CEP250: variants seen among roughly 807,000 people sequenced by gnomAD.
CEP250 encodes the protein centrosomal protein 250, also known as centrosome-associated protein CEP250.
Under a neutral mutation model 315.7 loss-of-function variants are expected in CEP250, and 242 were observed. The observed-to-expected ratio is 0.77, with a 90% CI of 0.69 to 0.85. CEP250 has a LOEUF of 0.85. Ranked by LOEUF, CEP250 falls within the 40% of genes least tolerant of loss-of-function variation. CEP250 has a pLI of 0.00. For synonymous variants in CEP250, 1,088 were observed against 1,175.0 expected (o/e 0.93, Z 1.51); for missense variants, 2,515 against 2,886.4 (o/e 0.87, Z 2.95).
rs1392709984 is a variant in CEP250 at position 35,511,602 on chromosome 20, C to CACTA, written c.7306_7309dup (p.Thr2437AsnfsTer71). ...CAGTCCTGCTACACCCCAGCCCCAG[C>CACTA]ACTACCCAAGCCGCCTCCAGGTAGC... is the stretch of plus-strand genomic sequence containing the variant. On this transcript the variant is annotated frameshift_variant, in exon 35 of 35. Transcript: ENST00000397527. LOFTEE classifies it high-confidence loss of function. 6.2e-7 allele frequency: 1 copy of CACTA among 1,612,356 alleles called. No homozygotes were observed. The highest frequency in any genetic ancestry group is 1.1e-5 in the South Asian group (1 of 90,952).
Position 35,478,450 on chromosome 20 carries a change from A to G in CEP250, c.2094+349A>G, listed in dbSNP as rs150402549. Among the ~76,000 whole-genome samples, 22 of 152,242 alleles carry G rather than the reference A, an allele frequency of 1.4e-4. No individual in the cohort carries two copies. The East Asian group carries it at 4.1e-3, about 28-fold the overall frequency. ...CATGGTGGCACATGCCTGTAATCCC[A>G]ACTACTCGGGAGGCTGAGGCAGGAG... On this transcript the variant is annotated intron_variant, in intron 17 of 34. Coordinates refer to ENST00000397527, the MANE Select transcript of CEP250 (RefSeq NM_007186.6).
chr20:35,512,672 G>C lies in CEP250; in HGVS notation c.*1046G>C, dbSNP rs1319335789. On this transcript the variant is annotated 3_prime_UTR_variant, in exon 35 of 35. Transcript: ENST00000397527. ...GCTCACAGGCTTAAGACCTATTGCTGGCAACCTCCTCAAAGCCTAAAAATT... is the reference window on the plus strand; with the variant it reads ...GCTCACAGGCTTAAGACCTATTGCTCGCAACCTCCTCAAAGCCTAAAAATT... 6.6e-6 allele frequency: 1 copy of C among 152,152 alleles called. No individual in the cohort carries two copies. The highest frequency in any genetic ancestry group is 1.5e-5 in the Non-Finnish European group (1 of 68,042). The allele number at this position is 152,152 out of a possible 1,614,324, so 9.4% of individuals were successfully genotyped here. A position where few individuals can be genotyped will look rare whatever the true frequency, so the allele number is the denominator to read the frequency against.
intron 30 of CEP250, 38 bp downstream of exon 30, chr20:35,505,043 A>T: frequency 6.6e-7 from 1 of 1,513,128 alleles, no homozygotes. Flanking sequence ...CAGGGGACAC[A>T]CCCCTGTCTG....
chr20:35,491,183 C>T, intron 21 of CEP250, 29 bp from the exon 22 acceptor site: 1 of 1,607,330 alleles, frequency 6.2e-7, no homozygotes, highest in African/African-American at 1.3e-5. Context: ...CCTGAGCCCA[C>T]AAGCTGTTAC....
At chr20:35,467,632 G>T in intron 9 of CEP250, 77 bp downstream of exon 9, 1 of 1,490,692 alleles carries the variant, frequency 6.7e-7, no homozygotes, top group South Asian at 1.3e-5. Flanking sequence ...ACAGGCAGGG[G>T]GAGGTGCCAG....
At chr20:35,463,718 T>C in intron 5 of CEP250, 87 bp downstream of exon 5, 1 of 1,110,504 alleles carries the variant, frequency 9.0e-7, no homozygotes, top group Non-Finnish European at 1.2e-6. Flanking sequence ...GAGGTTGGAG[T>C]GTACAAGTGA....
rs2064372055 is a variant in CEP250, at chr20:35,511,865, G to T, written c.*239G>T. On this transcript the variant is annotated 3_prime_UTR_variant, in exon 35 of 35. Transcript: ENST00000397527. Reference sequence around the variant, plus strand: ...ATGGAATCACCCAGAGGGGTGCCTTGCCCTGGCTGAGGGACATGTACTGCC... The same window carrying T: ...ATGGAATCACCCAGAGGGGTGCCTTTCCCTGGCTGAGGGACATGTACTGCC... 1.5e-6 allele frequency: 2 copies of T among 1,339,674 alleles called. No homozygotes were observed. Among genetic ancestry groups the T allele is most frequent in the Non-Finnish European group, 1.9e-6 (2 of 1,048,676 alleles). The allele number at this position is 1,339,674 out of a possible 1,614,324, so 83.0% of individuals were successfully genotyped here.
At position 35,455,740 on chromosome 20, in the gene CEP250, C is replaced by T. The variant is rs534393740; in HGVS notation, c.-309C>T. On this transcript the variant is annotated 5_prime_UTR_variant, in exon 1 of 35. Transcript: ENST00000397527. The stretch of plus-strand genomic sequence containing the variant: ...GTGCACCGAGTTACTTTCCCGGCCC[C>T]TCGTTGACACCGTAAGCTCGTTCGT... 6.6e-6 allele frequency: 1 copy of T among 152,384 alleles called. No individual in the cohort carries two copies. The highest frequency in any genetic ancestry group is 1.5e-5 in the Non-Finnish European group (1 of 68,050). 9.4% of individuals were successfully genotyped at this position (152,384 alleles called of 1,614,324 possible).
At position 35,508,943 on chromosome 20, in the gene CEP250, G is replaced by A. The variant is rs768913614; in HGVS notation, c.6907G>A (p.Val2303Met). 3.9e-6 allele frequency: 6 copies of A among 1,552,376 alleles called. No individual in the cohort carries two copies. The East Asian group carries it at 1.2e-4, about 31-fold the overall frequency. The change falls in exon 33 of 35, where the codon GTG (valine) becomes ATG (methionine). Residue 2303 changes from valine (V) to methionine (M), a missense_variant and splice_region_variant. Physicochemically the swap from Val to Met is conservative, Grantham distance 21. Transcript: ENST00000397527. ...TGATTTCTTATTTGCACCTTGGCAG[G>A]TGGAGCGAGAACGGAGGAAGCTGAA... ...NVQLRSTLEQVERERRKLKRE... is the reference protein window; with the variant it reads ...NVQLRSTLEQMERERRKLKRE...
rs762910167 is a variant in CEP250 at position 35,507,817 on chromosome 20, G to T, written c.6716G>T (p.Gly2239Val). The T allele has an allele frequency of 1.3e-6, 2 of 1,584,816 alleles. No individual in the cohort carries two copies. The highest frequency in any genetic ancestry group is 1.7e-6 in the Non-Finnish European group (2 of 1,165,598). The change falls in exon 31 of 35, where the codon GGG (glycine) becomes GTG (valine). Residue 2239 changes from glycine to valine, a missense_variant. Physicochemically the swap from Gly to Val is moderately radical, Grantham distance 109. Coordinates refer to ENST00000397527, the MANE Select transcript of CEP250 (RefSeq NM_007186.6). ...SPGATSTAELGSRGEQGVQLG... is the reference protein window; with the variant it reads ...SPGATSTAELVSRGEQGVQLG... The stretch of plus-strand genomic sequence containing the variant: ...GGTGCAACCAGCACAGCAGAACTGG[G>T]GTCCAGAGGGGAGCAGGGTGTGCAG...
chr20:35,516,875 G>A lies in CEP250; in HGVS notation c.*5249G>A. On this transcript the variant is annotated 3_prime_UTR_variant, in exon 35 of 35. Transcript: ENST00000397527. ...GGTACATCCAGAAGCAATGGCAGGT[G>A]TTATCCATTCATTCAGGTTAGACCT... is the stretch of plus-strand genomic sequence containing the variant. 1 of 514,224 alleles carries A rather than the reference G, an allele frequency of 1.9e-6. No homozygotes were observed. Among genetic ancestry groups the A allele is most frequent in the Non-Finnish European group, 2.5e-6 (1 of 399,152 alleles). The allele number at this position is 514,224 out of a possible 1,614,324, so 31.9% of individuals were successfully genotyped here. A position where few individuals can be genotyped will look rare whatever the true frequency, so the allele number is the denominator to read the frequency against.
Position 35,477,912 on chromosome 20 carries a change from C to G in CEP250, c.1905C>G (p.Ala635=), listed in dbSNP as rs149559933. The change falls in exon 17 of 35, where the codon GCC becomes GCG. Residue 635 remains alanine (A), a synonymous_variant. Coordinates refer to ENST00000397527, the MANE Select transcript of CEP250 (RefSeq NM_007186.6). ...ENQSVCSRME[A]AEQARNALQV... is the part of the protein sequence containing the mutation. ...AGTCTGTGTGCAGCAGAATGGAGGC[C>G]GCAGAGCAGGCGAGAAATGCTTTGC... 21 of 1,600,554 alleles carry G rather than the reference C, an allele frequency of 1.3e-5. No individual in the cohort carries two copies. In the African/African-American group the frequency reaches 2.8e-4, roughly 21 times the overall value.
intron 20 of CEP250, among the ~76,000 whole-genome samples, chr20:35,486,109 G>T (rs1319700336): frequency 2.0e-5 from 3 of 150,466 alleles, no homozygotes; most frequent in Non-Finnish European, 2.9e-5. Context: ...CCGCCTCCTG[G>T]GTTCAAGCAA....
Position 35,479,705 on chromosome 20 carries a change from T to C in CEP250, c.2348T>C (p.Ile783Thr), listed in dbSNP as rs761502389. 4.2e-5 allele frequency: 68 copies of C among 1,614,118 alleles called. No homozygotes were observed. The highest frequency in any genetic ancestry group is 5.6e-5 in the Non-Finnish European group (66 of 1,180,024). ...LFEAQQQNSV[I>T]EVTKGQLEVQ... ...GAAGCCCAACAACAAAATTCTGTGA[T>C]AGAGGTCACCAAGGGGCAGCTGGAG... is the stretch of plus-strand genomic sequence containing the variant. Residue 783 changes from isoleucine (I) to threonine (T), a missense_variant, in exon 19 of 35, where the codon ATA becomes ACA. By Grantham distance (89) the Ile-to-Thr change is moderately conservative. Coordinates refer to ENST00000397527, the MANE Select transcript of CEP250 (RefSeq NM_007186.6).
intron 9 of CEP250, 101 bp from the exon 10 acceptor site, chr20:35,469,789 G>A (rs541339103): frequency 7.8e-6 from 5 of 638,256 alleles, no homozygotes; most frequent in East Asian, 2.8e-5. Flanking sequence ...GGCTGCAGTT[G>A]GGAGTGGTTG....
intron 9 of CEP250, among the ~76,000 whole-genome samples, chr20:35,467,943 CTT>C (rs10649518): frequency 3.4e-5 from 4 of 117,976 alleles, no homozygotes; most frequent in Non-Finnish European, 5.0e-5. Context: ...AATATTACCT[CTT>C]TTTTTTTTTT....
intron 20 of CEP250, among the ~76,000 whole-genome samples, chr20:35,481,965 T>G (rs2063357268): frequency 6.6e-6 from 1 of 152,014 alleles, no homozygotes; most frequent in Non-Finnish European, 1.5e-5. Context: ...CCTCCCAAAG[T>G]GTTGGGATTA....
At chr20:35,509,314 C>G (rs546578483) in intron 33 of CEP250, among the ~76,000 whole-genome samples, 2 of 152,134 alleles carry the variant, frequency 1.3e-5, no homozygotes, top group Non-Finnish European at 2.9e-5. Context: ...CAGGCTGGCC[C>G]GGGAGTGGGG....
intron 28 of CEP250, among the ~76,000 whole-genome samples, chr20:35,500,380 G>A (rs1039017700): frequency 1.3e-5 from 2 of 152,206 alleles, no homozygotes; most frequent in African/African-American, 2.4e-5. Context: ...ATAGGCATGC[G>A]CCACCACGCC....
Sources: allele counts gnomAD v4.1 joint callset (sites outside exome capture counted in the v4.1 genomes callset), GRCh38; gene constraint gnomAD v4.1.1; transcripts MANE v1.5; gene names NCBI Gene and HGNC (gene_info 2026-07-23, HGNC 2026-07-21).